Variants in ATG5 observed in about 807,000 individuals in gnomAD.
The protein encoded by ATG5 is autophagy related 5, also known as autophagy protein 5.
In ATG5, 14 loss-of-function variants were observed where a neutral mutation model predicts 36.5. That is an observed-to-expected ratio of 0.38 (90% CI 0.25 to 0.60). The LOEUF (loss-of-function observed/expected upper bound fraction) is 0.60, where lower values mean the gene tolerates loss of function less well. Among genes scored for constraint, ATG5 ranks in the 20% least tolerant of loss-of-function variants. The probability of loss-of-function intolerance (pLI) is 0.60; values close to 1 mark genes in which losing one functional copy is unlikely to be tolerated. For missense variants in ATG5, 195 were observed against 326.7 expected, an observed-to-expected ratio of 0.60 and a Z score of 3.11; for synonymous variants, 95 against 101.5, an observed-to-expected ratio of 0.94 and a Z score of 0.38.
chr6:106,231,347 A>G (rs1443276700), intron 6 of ATG5, among the ~76,000 whole-genome samples: 1 of 152,124 alleles, frequency 6.6e-6, no homozygotes, highest in Non-Finnish European at 1.5e-5. Context: ...GCAGCCTGAG[A>G]GTTTGGCGAT....
At chr6:106,290,804 T>C (rs1780274753) in intron 4 of ATG5, among the ~76,000 whole-genome samples, 1 of 152,194 alleles carries the variant, frequency 6.6e-6, no homozygotes, top group South Asian at 2.1e-4. Flanking sequence ...TGTTGACCCT[T>C]TCACTATGAA....
At chr6:106,292,974 G>A in intron 4 of ATG5, 54 bp downstream of exon 4, 4 of 1,389,602 alleles carry the variant, frequency 2.9e-6, no homozygotes, top group Non-Finnish European at 4.0e-6. Flanking sequence ...TCTACTCGAA[G>A]TCTATTTATT....
chr6:106,323,064 G>A (rs1388641446), intron 1 of ATG5, among the ~76,000 whole-genome samples: 6 of 151,818 alleles, frequency 4.0e-5, no homozygotes, highest in South Asian at 2.1e-4. Context: ...GACTACAAGC[G>A]CTTGCCACCA....
At chr6:106,290,856 C>G (rs1441624194) in intron 4 of ATG5, among the ~76,000 whole-genome samples, 1 of 152,136 alleles carries the variant, frequency 6.6e-6, no homozygotes, top group East Asian at 1.9e-4. Context: ...CCGATCTCAT[C>G]AGAAAATTAT....
intron 5 of ATG5, among the ~76,000 whole-genome samples, chr6:106,276,221 T>C (rs1033000204): frequency 6.6e-6 from 1 of 152,022 alleles, no homozygotes; most frequent in Admixed American, 6.5e-5. Context: ...TCCCAGCACT[T>C]TGGGAGGCCG....
At chr6:106,285,309 G>A (rs1254055897) in intron 4 of ATG5, among the ~76,000 whole-genome samples, 3 of 151,946 alleles carry the variant, frequency 2.0e-5, no homozygotes, top group Admixed American at 2.0e-4. Flanking sequence ...CATTTTTCCG[G>A]TAGTACCAAG....
intron 6 of ATG5, among the ~76,000 whole-genome samples, chr6:106,214,396 A>G (rs1352019873): frequency 1.3e-5 from 2 of 152,054 alleles, no homozygotes; most frequent in Non-Finnish European, 2.9e-5. Context: ...AGTTGAAAAT[A>G]AGCACTTTCT....
chr6:106,189,906 G>A (rs1307668970), intron 7 of ATG5, among the ~76,000 whole-genome samples: 1 of 152,000 alleles, frequency 6.6e-6, no homozygotes, highest in African/African-American at 2.4e-5. Context: ...GAAAAATCAA[G>A]TGAACTAGTT....
intron 1 of ATG5, among the ~76,000 whole-genome samples, chr6:106,319,342 T>C (rs891941543): frequency 2.0e-5 from 3 of 152,182 alleles, no homozygotes; most frequent in Admixed American, 1.3e-4. Flanking sequence ...ATAAAAAAGC[T>C]AAAAATTTTG....
Position 106,316,224 on chromosome 6 carries a change from A to G in ATG5, c.-16T>C. 1.9e-6 allele frequency: 3 copies of G among 1,600,620 alleles called. No individual in the cohort carries two copies. The highest frequency in any genetic ancestry group is 2.2e-5 in the East Asian group (1 of 44,768). On this transcript the variant is annotated 5_prime_UTR_variant, in exon 2 of 8. Transcript: ENST00000369076. The stretch of plus-strand genomic sequence containing the variant: ...CATCTGTCATTCTTCCAGGAGTTAA[A>G]GCAGTACATACAGGCTAAATTCTTA...
intron 5 of ATG5, among the ~76,000 whole-genome samples, chr6:106,254,551 T>G (rs906021297): frequency 6.6e-6 from 1 of 152,180 alleles, no homozygotes; most frequent in African/African-American, 2.4e-5. Context: ...AAGTGTGGCA[T>G]AGTGGAAAAA....
intron 3 of ATG5, chr6:106,304,434 C>T (rs961295499): frequency 6.6e-6 from 1 of 152,262 alleles, no homozygotes; most frequent in African/African-American, 2.4e-5. Flanking sequence ...AATCCAATGT[C>T]CATCAGTTAA....
At chr6:106,283,676 T>C (rs1379602109) in intron 4 of ATG5, 2 of 152,298 alleles carry the variant, frequency 1.3e-5, no homozygotes, top group Non-Finnish European at 2.9e-5. Context: ...GTCTTCTGAG[T>C]AGCTGGGACA....
intron 4 of ATG5, among the ~76,000 whole-genome samples, chr6:106,288,052 C>A (rs1582657154): frequency 6.6e-6 from 1 of 151,420 alleles, no homozygotes; most frequent in Non-Finnish European, 1.5e-5. Flanking sequence ...CTCACTGCAA[C>A]CTCCGCCCCC....
intron 6 of ATG5, among the ~76,000 whole-genome samples, chr6:106,245,514 C>T (rs1321838614): frequency 6.6e-6 from 1 of 152,132 alleles, no homozygotes; most frequent in Non-Finnish European, 1.5e-5. Context: ...ACTTAAAATT[C>T]CCTAGCCTCA....
chr6:106,214,592 G>A (rs1014361953), intron 6 of ATG5, among the ~76,000 whole-genome samples: 1 of 152,206 alleles, frequency 6.6e-6, no homozygotes, highest in Middle Eastern at 3.4e-3. Flanking sequence ...ATCTGGTTTG[G>A]AGTTTATGTT....
chr6:106,201,874 T>G, intron 7 of ATG5, 98 bp downstream of exon 7: 1 of 845,944 alleles, frequency 1.2e-6, no homozygotes, highest in Non-Finnish European at 1.8e-6. Context: ...TATGAAAATA[T>G]CTTCCTGAAA....
Position 106,316,089 on chromosome 6 carries a change from C to T in ATG5, c.108+12G>A. The T allele has an allele frequency of 6.3e-7, 1 of 1,591,328 alleles. No homozygotes were observed. The highest frequency in any genetic ancestry group is 1.1e-5 in the South Asian group (1 of 88,276). On this transcript the variant is annotated intron_variant, in intron 2 of 7. Transcript: ENST00000369076. ...GGTTAAATATCCCATTTGCCACAAT[C>T]AATGTACTTACATAGTATGGTTCTG... is the stretch of plus-strand genomic sequence containing the variant.
At chr6:106,219,775 T>C (rs1028700187) in intron 6 of ATG5, among the ~76,000 whole-genome samples, 1 of 152,176 alleles carries the variant, frequency 6.6e-6, no homozygotes, top group Non-Finnish European at 1.5e-5. Context: ...ACTAGTATAA[T>C]TTTATGTTGT....
Sources: gnomAD v4.1 joint callset for allele counts (sites outside exome capture counted in the v4.1 genomes callset) on GRCh38, gnomAD v4.1.1 for gene constraint, MANE v1.5 for transcripts, NCBI Gene and HGNC (gene_info 2026-07-23, HGNC 2026-07-21) for gene names.